LDHD: variants seen among roughly 807,000 people sequenced by gnomAD.
The protein encoded by LDHD is D-lactate dehydrogenase, mitochondrial.
Under a neutral mutation model 52.9 loss-of-function variants are expected in LDHD, and 58 were observed. The observed-to-expected ratio is 1.10, with a 90% CI of 0.89 to 1.36. LDHD has a LOEUF of 1.36. Among genes scored for constraint, LDHD ranks in the 40% most tolerant of loss-of-function variants. LDHD has a pLI of 0.00. For missense variants in LDHD, 747 were observed against 668.0 expected, an observed-to-expected ratio of 1.12 and a Z score of -1.30; for synonymous variants, 350 against 288.6, an observed-to-expected ratio of 1.21 and a Z score of -2.16.
intron 1 of LDHD, 97 bp from the exon 2 acceptor site, chr16:75,115,757 G>T: frequency 2.7e-6 from 2 of 748,422 alleles, no homozygotes; most frequent in Non-Finnish European, 4.3e-6. Flanking sequence ...CTGGAGGCTG[G>T]AGTGAGCCTC....
In LDHD at chr16:75,114,836, A is replaced by C; in HGVS notation, c.460T>G (p.Phe154Val). The C allele has an allele frequency of 6.2e-6, 10 of 1,612,996 alleles. No homozygotes were observed. Among genetic ancestry groups the C allele is most frequent in the Non-Finnish European group, 8.5e-6 (10 of 1,179,510 alleles). ...NAHLRDSGLW[F>V]PVDPGADASL... ...GGTTCGCGAGTCCTACCCACGGGAA[A>C]CCAGAGGCCGCTGTCCCGCAGGTGG... is the stretch of plus-strand genomic sequence containing the variant. The change falls in exon 4 of 11, where the codon TTT (phenylalanine) becomes GTT (valine). Residue 154 changes from phenylalanine to valine, a missense_variant. Transcript: ENST00000450168.
chr16:75,115,873 G>T (rs2036545252), intron 1 of LDHD, among the ~76,000 whole-genome samples: 1 of 152,030 alleles, frequency 6.6e-6, no homozygotes, highest in Non-Finnish European at 1.5e-5. Flanking sequence ...GGGGGTCAAA[G>T]TTTCCCCTCA....
chr16:75,115,783 G>A (rs372478327), intron 1 of LDHD, 123 bp from the exon 2 acceptor site: 4 of 597,564 alleles, frequency 6.7e-6, no homozygotes, highest in South Asian at 4.7e-5. Flanking sequence ...CGCCCGCCCC[G>A]CTGACAACAT....
At position 75,113,541 on chromosome 16, in the gene LDHD, G is replaced by T; in HGVS notation, c.1080C>A (p.Gly360=). ...AWYAALATRP[G]CKGYSTDVCV... is the part of the protein sequence containing the mutation. Reference sequence around the variant, plus strand: ...TACCCCAGCCCCAGCTCACCTTGCAGCCTGGCCGCGTGGCCAGGGCTGCGT... The same window carrying T: ...TACCCCAGCCCCAGCTCACCTTGCATCCTGGCCGCGTGGCCAGGGCTGCGT... Residue 360 remains glycine (G), a synonymous_variant, in exon 8 of 11, where the codon GGC becomes GGA. Transcript: ENST00000450168. The T allele has an allele frequency of 6.2e-7, 1 of 1,606,680 alleles. No individual in the cohort carries two copies. The highest frequency in any genetic ancestry group is 2.2e-5 in the East Asian group (1 of 44,764).
Position 75,115,328 on chromosome 16 carries a change from G to T in LDHD, c.197C>A (p.Pro66His), listed in dbSNP as rs1247477442. The T allele has an allele frequency of 3.7e-6, 6 of 1,613,512 alleles. No individual in the cohort carries two copies. The highest frequency in any genetic ancestry group is 5.1e-6 in the Non-Finnish European group (6 of 1,180,028). ...RDESVHRCEP[P>H]DAVVWPQNVE... ...GTTCTGGGGCCACACCACAGCATCA[G>T]GAGGTTCGCACCTAGAACCAGACCC... Residue 66 changes from proline to histidine, a missense_variant, in exon 3 of 11, where the codon CCT becomes CAT. Transcript: ENST00000450168.
rs751973732 is a variant in LDHD, at chr16:75,114,992, C to T, written c.328-24G>A. 5 of 1,595,542 alleles carry T rather than the reference C, an allele frequency of 3.1e-6. No homozygotes were observed. The Middle Eastern group carries it at 5.0e-4, about 161-fold the overall frequency. ...CCCTGGTTGGGGCAGGTGCTAAGAC[C>T]ACTGCAGACCTGGGTCTCTGACCTG... is the stretch of plus-strand genomic sequence containing the variant. On this transcript the variant is annotated intron_variant, in intron 3 of 10. Coordinates refer to ENST00000450168, the MANE Select transcript of LDHD (RefSeq NM_194436.3).
rs1004517397 is a variant in LDHD, at chr16:75,112,323, A to G, written c.*33T>C. ...AAGTTCCAGAACCGGCTCCGTAGTC[A>G]GGGAACTTGTGGGCTAAGTGCTCAG... On this transcript the variant is annotated 3_prime_UTR_variant, in exon 11 of 11. Transcript: ENST00000450168. The G allele has an allele frequency of 1.3e-6, 2 of 1,574,564 alleles. No homozygotes were observed. Among genetic ancestry groups the G allele is most frequent in the Non-Finnish European group, 1.7e-6 (2 of 1,155,300 alleles).
chr16:75,114,556 A>T lies in LDHD; in HGVS notation c.599T>A (p.Leu200Gln). ...LEVVLPDGRL[L>Q]HTAGRGRHFR... The stretch of plus-strand genomic sequence containing the variant: ...ATGCCGGCCTCGGCCCGCCGTGTGC[A>T]GCAGCCGCCCGTCGGGCAGCACCAC... Residue 200 changes from leucine (L) to glutamine (Q), a missense_variant, in exon 5 of 11, where the codon CTG (leucine) becomes CAG (glutamine). By Grantham distance (113) the Leu-to-Gln change is moderately radical. Transcript: ENST00000450168. The T allele has an allele frequency of 6.5e-7, 1 of 1,530,544 alleles. No individual in the cohort carries two copies. The highest frequency in any genetic ancestry group is 8.7e-7 in the Non-Finnish European group (1 of 1,143,666). The allele number at this position is 1,530,544 out of a possible 1,614,324, so 94.8% of individuals were successfully genotyped here.
chr16:75,112,768 G>A, intron 9 of LDHD, 55 bp from the exon 10 acceptor site: 3 of 1,597,482 alleles, frequency 1.9e-6, no homozygotes, highest in Non-Finnish European at 2.6e-6. Flanking sequence ...CTTGCCTCCT[G>A]CTGCCCCAGG....
intron 5 of LDHD, 125 bp from the exon 6 acceptor site, chr16:75,114,290 C>T: frequency 6.5e-7 from 1 of 1,532,686 alleles, no homozygotes; most frequent in East Asian, 2.3e-5. Flanking sequence ...CTCCCTCGGG[C>T]CCAGTTTCCC....
chr16:75,113,708 G>T (rs779362423), intron 7 of LDHD, 34 bp downstream of exon 7: 1 of 1,613,096 alleles, frequency 6.2e-7, no homozygotes, highest in East Asian at 2.2e-5. Context: ...CACTGAGGCA[G>T]CCCACCCTGC....
rs767702986 is a variant in LDHD, at chr16:75,114,847, C to T, written c.449G>A (p.Ser150Asn). The T allele has an allele frequency of 1.9e-6, 3 of 1,613,438 alleles. No homozygotes were observed. The highest frequency in any genetic ancestry group is 1.7e-6 in the Non-Finnish European group (2 of 1,179,786). Residue 150 changes from serine (S) to asparagine (N), a missense_variant, in exon 4 of 11, where the codon AGC becomes AAC. Coordinates refer to ENST00000450168, the MANE Select transcript of LDHD (RefSeq NM_194436.3). ...RKALNAHLRD[S>N]GLWFPVDPGA... is the part of the protein sequence containing the mutation. ...CCTACCCACGGGAAACCAGAGGCCG[C>T]TGTCCCGCAGGTGGGCGTTGAGGGC...
At position 75,112,891 on chromosome 16, in the gene LDHD, G is replaced by A. The variant is rs771516114; in HGVS notation, c.1120C>T (p.Arg374Trp). Residue 374 changes from arginine to tryptophan, a missense_variant, in exon 9 of 11, where the codon CGG (arginine) becomes TGG (tryptophan). Physicochemically the swap from Arg to Trp is moderately radical, Grantham distance 101. Transcript: ENST00000450168. The part of the protein sequence containing the change: ...YSTDVCVPIS[R>W]LPEIVVQTKE... ...GTCTGCACCACGATCTCCGGCAGCC[G>A]GGAGATGGGCACACACACATCCGTG... 3.0e-5 allele frequency: 48 copies of A among 1,612,696 alleles called. No individual in the cohort carries two copies. The highest frequency in any genetic ancestry group is 6.7e-5 in the Admixed American group (4 of 59,992).
chr16:75,116,582 G>A (rs751573262), intron 1 of LDHD, 67 bp downstream of exon 1: 1 of 1,378,708 alleles, frequency 7.3e-7, no homozygotes, highest in Non-Finnish European at 1.0e-6. Context: ...GGAAACTTGG[G>A]ATCAGAACCC....
chr16:75,112,771 G>A (rs2036431359), intron 9 of LDHD, 58 bp from the exon 10 acceptor site: 1 of 1,597,794 alleles, frequency 6.3e-7, no homozygotes. Flanking sequence ...GCCTCCTGCT[G>A]CCCCAGGCTC....
intron 5 of LDHD, 105 bp from the exon 6 acceptor site, chr16:75,114,270 C>T (rs1165576174): frequency 6.4e-7 from 1 of 1,553,680 alleles, no homozygotes; most frequent in South Asian, 1.2e-5. Context: ...GCACTGAGGT[C>T]TGGGCTGGCC....
Position 75,112,191 on chromosome 16 carries a change from T to C in LDHD, c.*165A>G, listed in dbSNP as rs57466998. 395 of 808,844 alleles carry C rather than the reference T, an allele frequency of 4.9e-4. 4 individuals are homozygous for C. In the East Asian group the frequency reaches 0.01, roughly 21 times the overall value. 50.1% of individuals were successfully genotyped at this position (808,844 alleles called of 1,614,324 possible). A position where few individuals can be genotyped will look rare whatever the true frequency, so the allele number is the denominator to read the frequency against. The stretch of plus-strand genomic sequence containing the variant: ...GAGGGCCAGGGAGGTAACACGGTGC[T>C]CAGGCTTCTCTCTGGGCCCTCTGGC... On this transcript the variant is annotated 3_prime_UTR_variant, in exon 11 of 11. Coordinates refer to ENST00000450168, the MANE Select transcript of LDHD (RefSeq NM_194436.3).
chr16:75,112,155 G>C lies in LDHD; in HGVS notation c.*201C>G, dbSNP rs1192577442. The C allele has an allele frequency of 1.6e-6, 1 of 623,962 alleles. No homozygotes were observed. The highest frequency in any genetic ancestry group is 2.7e-6 in the Non-Finnish European group (1 of 370,544). 38.7% of individuals were successfully genotyped at this position (623,962 alleles called of 1,614,324 possible). On this transcript the variant is annotated 3_prime_UTR_variant, in exon 11 of 11. Coordinates refer to ENST00000450168, the MANE Select transcript of LDHD (RefSeq NM_194436.3). ...GTCGTTTACTGAACCAAAGGCTCCT[G>C]GGGCCAGCCAGAGGGCCAGGGAGGT...
rs114091027 is a variant in LDHD, at chr16:75,113,141, T to C, written c.1087-217A>G. On this transcript the variant is annotated intron_variant, in intron 8 of 10. Coordinates refer to ENST00000450168, the MANE Select transcript of LDHD (RefSeq NM_194436.3). ...GTGCTTGCCACACCTCCCCTGTGGC[T>C]CCCACCCCCAAGCCCCAGGCTGCTG... 8.0e-3 allele frequency among the ~76,000 whole-genome samples: 1,211 copies of C among 151,774 alleles called. 25 individuals are homozygous for C. The highest frequency in any genetic ancestry group is 0.027 in the African/African-American group (1,134 of 41,316).
Sources: gnomAD v4.1 joint callset for allele counts (sites outside exome capture counted in the v4.1 genomes callset) on GRCh38, gnomAD v4.1.1 for gene constraint, MANE v1.5 for transcripts, NCBI Gene and HGNC (gene_info 2026-07-23, HGNC 2026-07-21) for gene names.